Variants in MDH1B observed in about 807,000 individuals in gnomAD.
MDH1B encodes the protein malate dehydrogenase 1B, also known as putative malate dehydrogenase 1B.
A neutral mutation model predicts 61.4 loss-of-function variants in MDH1B; 60 were observed. The ratio of observed to expected loss-of-function variants is 0.98; its 90% CI spans 0.79 to 1.21. The LOEUF (loss-of-function observed/expected upper bound fraction) is 1.21. Ranked by LOEUF, MDH1B falls within the 50% of genes most tolerant of loss-of-function variation. The pLI, the probability that MDH1B is intolerant of heterozygous loss-of-function variation, is 0.00. For synonymous variants in MDH1B, 236 were observed against 218.7 expected, an observed-to-expected ratio of 1.08 and a Z score of -0.70; for missense variants, 587 against 632.1, an observed-to-expected ratio of 0.93 and a Z score of 0.76.
intron 2 of MDH1B, 50 bp from the exon 3 acceptor site, chr2:206,757,421 T>G (rs1335683755): frequency 3.2e-6 from 5 of 1,574,952 alleles, no homozygotes; most frequent in African/African-American, 1.4e-5. Flanking sequence ...TGCCTGAGAA[T>G]TCAATTTCAT....
rs768095039 is a variant in MDH1B at position 206,745,816 on chromosome 2, CTCTCCCT to C, written c.1357-150_1357-144del. ...TGGCGCAATCTCAGCTCACCACAAC[CTCTCCCT>C]TCTTGGTTCAAGCGATTCTCCTGCC... On this transcript the variant is annotated intron_variant, in intron 8 of 11. Transcript: ENST00000374412. The C allele has an allele frequency of 1.1e-4, 65 of 607,668 alleles. 1 individual carries two copies. In the East Asian group the frequency reaches 1.5e-3, roughly 14 times the overall value. The allele number at this position is 607,668 out of a possible 1,614,324, so 37.6% of individuals were successfully genotyped here.
In MDH1B at chr2:206,738,445, G is replaced by A. The variant is rs752546797; in HGVS notation, c.*38C>T. On this transcript the variant is annotated 3_prime_UTR_variant, in exon 12 of 12. Coordinates refer to ENST00000374412, the MANE Select transcript of MDH1B (RefSeq NM_001039845.3). ...TATAAATTCTTTCTATGTTTATTGTGCTATCAAGTAATTATATATTTCATC... is the reference window on the plus strand; with the variant it reads ...TATAAATTCTTTCTATGTTTATTGTACTATCAAGTAATTATATATTTCATC... The A allele has an allele frequency of 6.9e-7, 1 of 1,450,352 alleles. No homozygotes were observed. Among genetic ancestry groups the A allele is most frequent in the Admixed American group, 2.0e-5 (1 of 51,244 alleles). The allele number at this position is 1,450,352 out of a possible 1,614,324, so 89.8% of individuals were successfully genotyped here. A position where few individuals can be genotyped will look rare whatever the true frequency, so the allele number is the denominator to read the frequency against.
At chr2:206,745,118 A>G (rs1688028346) in intron 9 of MDH1B, among the ~76,000 whole-genome samples, 1 of 152,108 alleles carries the variant, frequency 6.6e-6, no homozygotes, top group African/African-American at 2.4e-5. Flanking sequence ...ACTTAGAAAC[A>G]CAGACACACA....
At chr2:206,758,162 T>G (rs114858080) in intron 2 of MDH1B, among the ~76,000 whole-genome samples, 5 of 152,078 alleles carry the variant, frequency 3.3e-5, no homozygotes. Context: ...ACTGGGCCCA[T>G]GAAGGAAAGA....
At position 206,751,003 on chromosome 2, in the gene MDH1B, T is replaced by C; in HGVS notation, c.983A>G (p.Tyr328Cys). Residue 328 changes from tyrosine (Y) to cysteine (C), a missense_variant, in exon 6 of 12, where the codon TAC (tyrosine) becomes TGC (cysteine). Transcript: ENST00000374412. ...TCCCCAAATGGCACTCTCATATCTG[T>C]ACACCCTTGTTTTTCTCAGATCAAC... ...NYVDLRKTRV[Y>C]RYESAIWGPL... The C allele has an allele frequency of 3.1e-6, 5 of 1,611,476 alleles. No homozygotes were observed. The highest frequency in any genetic ancestry group is 1.1e-5 in the South Asian group (1 of 90,656).
chr2:206,738,714 T>G (rs1047413910), intron 11 of MDH1B, among the ~76,000 whole-genome samples: 7 of 152,214 alleles, frequency 4.6e-5, no homozygotes, highest in Non-Finnish European at 1.0e-4. Flanking sequence ...AATTGTGGCC[T>G]CTTCCCTGGC....
intron 9 of MDH1B, among the ~76,000 whole-genome samples, chr2:206,744,351 T>C (rs1265974349): frequency 6.6e-6 from 1 of 152,122 alleles, no homozygotes; most frequent in African/African-American, 2.4e-5. Flanking sequence ...TGGCTTATAG[T>C]TGGTACTGCA....
Position 206,757,484 on chromosome 2 carries a change from C to T in MDH1B, c.136-113G>A, listed in dbSNP as rs529955627. The T allele has an allele frequency of 3.5e-4, 289 of 831,268 alleles. No homozygotes were observed. The African/African-American group carries it at 4.4e-3, about 13-fold the overall frequency. The allele number at this position is 831,268 out of a possible 1,614,324, so 51.5% of individuals were successfully genotyped here. On this transcript the variant is annotated intron_variant, in intron 2 of 11. Transcript: ENST00000374412. ...AGGTTGCTTTTAATGTCACTATATA[C>T]ACATAATATAATTTAGATATCTTCA...
intron 7 of MDH1B, 67 bp downstream of exon 7, chr2:206,748,953 G>A: frequency 1.4e-6 from 2 of 1,447,702 alleles, no homozygotes; most frequent in Non-Finnish European, 1.9e-6. Context: ...TGGGGACACA[G>A]AATTAGGAGC....
Position 206,751,042 on chromosome 2 carries a change from C to T in MDH1B, c.944G>A (p.Ser315Asn). 4.4e-6 allele frequency: 7 copies of T among 1,605,552 alleles called. No homozygotes were observed. The highest frequency in any genetic ancestry group is 1.1e-5 in the South Asian group (1 of 89,844). The part of the protein sequence containing the change: ...IKDVIIWGNI[S>N]GNNYVDLRKT... The stretch of plus-strand genomic sequence containing the variant: ...TCTCAGATCAACGTAATTATTTCCA[C>T]TGATATTACCCCAAATGATCACGTC... Residue 315 changes from serine to asparagine, a missense_variant, in exon 6 of 12, where the codon AGT (serine) becomes AAT (asparagine). Transcript: ENST00000374412.
Position 206,755,042 on chromosome 2 carries a change from T to C in MDH1B, c.877A>G (p.Ile293Val). The change falls in exon 5 of 12, where the codon ATA becomes GTA. Residue 293 changes from isoleucine to valine, a missense_variant. Ile to Val is a conservative substitution (Grantham distance 29, BLOSUM62 3). Coordinates refer to ENST00000374412, the MANE Select transcript of MDH1B (RefSeq NM_001039845.3). The part of the protein sequence containing the change: ...ALGVEGEAKA[I>V]LARKLKTAPS... Reference sequence around the variant, plus strand: ...GCTGTCTTCAGTTTTCTGGCCAGTATGGCTTTCGCTTCACCTTCCACCCCC... The same window carrying C: ...GCTGTCTTCAGTTTTCTGGCCAGTACGGCTTTCGCTTCACCTTCCACCCCC... 6.2e-7 allele frequency: 1 copy of C among 1,614,022 alleles called. No individual in the cohort carries two copies. Among genetic ancestry groups the C allele is most frequent in the South Asian group, 1.1e-5 (1 of 91,066 alleles).
In MDH1B at chr2:206,758,744, C is replaced by T. The variant is rs546906943; in HGVS notation, c.136-1373G>A. Among the ~76,000 whole-genome samples the T allele has an allele frequency of 6.6e-5, 10 of 150,934 alleles. 1 individual carries two copies. The highest frequency in any genetic ancestry group is 2.2e-4 in the African/African-American group (9 of 40,780). On this transcript the variant is annotated intron_variant, in intron 2 of 11. Coordinates refer to ENST00000374412, the MANE Select transcript of MDH1B (RefSeq NM_001039845.3). ...TTGCACCATTGCACTCTAGCCTGGG[C>T]GACAAGGGCGAAACTCCATCTCAAA... is the stretch of plus-strand genomic sequence containing the variant.
rs1574647613 is a variant in MDH1B at position 206,758,870 on chromosome 2, A to T, written c.136-1499T>A. Among the ~76,000 whole-genome samples, 5 of 151,948 alleles carry T rather than the reference A, an allele frequency of 3.3e-5. No homozygotes were observed. The South Asian group carries it at 6.3e-4, about 19-fold the overall frequency. On this transcript the variant is annotated intron_variant, in intron 2 of 11. Transcript: ENST00000374412. ...TCTGGAAGGGATTGGAGGATACAACATGCACCTAAGTGATAAGGAATGCAC... is the reference window on the plus strand; with the variant it reads ...TCTGGAAGGGATTGGAGGATACAACTTGCACCTAAGTGATAAGGAATGCAC...
At chr2:206,749,322 T>C in intron 6 of MDH1B, 139 bp from the exon 7 acceptor site, 2 of 681,612 alleles carry the variant, frequency 2.9e-6, no homozygotes. Flanking sequence ...TCTAGTGTCT[T>C]TCCTCAAGTG....
At position 206,761,007 on chromosome 2, in the gene MDH1B, GCT is replaced by G; in HGVS notation, c.27_28del (p.Arg9SerfsTer8). On this transcript the variant is annotated frameshift_variant, in exon 2 of 12. Transcript: ENST00000374412. LOFTEE classifies it high-confidence loss of function. ...TGTTTTAGCATAATATGGACAATCT[GCT>G]CTACCTAAAAGAGTTCAAATTAGCA... The G allele has an allele frequency of 6.3e-7, 1 of 1,577,494 alleles. No individual in the cohort carries two copies. The highest frequency in any genetic ancestry group is 8.7e-7 in the Non-Finnish European group (1 of 1,147,706).
intron 8 of MDH1B, 88 bp downstream of exon 8, chr2:206,746,199 A>T: frequency 8.2e-7 from 1 of 1,214,234 alleles, no homozygotes; most frequent in Non-Finnish European, 1.1e-6. Flanking sequence ...ATTTGAATCC[A>T]TAGAAAAACC....
chr2:206,744,432 T>C (rs1028186532), intron 9 of MDH1B, among the ~76,000 whole-genome samples: 1 of 152,214 alleles, frequency 6.6e-6, no homozygotes, highest in African/African-American at 2.4e-5. Flanking sequence ...CATAAATAAA[T>C]TGATTTATTT....
At chr2:206,752,466 TA>T (rs1269311518) in intron 5 of MDH1B, among the ~76,000 whole-genome samples, 5 of 152,054 alleles carry the variant, frequency 3.3e-5, no homozygotes, top group Admixed American at 2.0e-4. Context: ...GCAGTAGGAA[TA>T]GCTAGTTCTC....
At chr2:206,741,347 G>A (rs1227440231) in intron 9 of MDH1B, 8 of 555,358 alleles carry the variant, frequency 1.4e-5, no homozygotes, top group South Asian at 1.2e-4. Flanking sequence ...CAACTTGATT[G>A]GATTGAAGGA....
Sources: gnomAD v4.1 joint callset for allele counts (sites outside exome capture counted in the v4.1 genomes callset) on GRCh38, gnomAD v4.1.1 for gene constraint, MANE v1.5 for transcripts, NCBI Gene and HGNC (gene_info 2026-07-23, HGNC 2026-07-21) for gene names.